PRDM5: variants seen among roughly 807,000 people sequenced by gnomAD.
The protein encoded by PRDM5 is PR/SET domain 5.
In PRDM5, 56 loss-of-function variants were observed where a neutral mutation model predicts 81.2. That is an observed-to-expected ratio of 0.69 (90% CI 0.56 to 0.86). The LOEUF (loss-of-function observed/expected upper bound fraction) is 0.86. Among genes scored for constraint, PRDM5 ranks in the 40% least tolerant of loss-of-function variants. The pLI is 0.00. For missense variants in PRDM5, 697 were observed against 770.1 expected (o/e 0.91, Z 1.12); for synonymous variants, 267 against 256.4 (o/e 1.04, Z -0.39).
At chr4:120,728,009 C>T (rs1739689954) in intron 14 of PRDM5, among the ~76,000 whole-genome samples, 1 of 151,864 alleles carries the variant, frequency 6.6e-6, no homozygotes, top group Admixed American at 6.6e-5. Context: ...AGTTTTCTGT[C>T]ATGATCACAG....
At chr4:120,774,291 T>A (rs925110925) in intron 13 of PRDM5, among the ~76,000 whole-genome samples, 2 of 152,218 alleles carry the variant, frequency 1.3e-5, no homozygotes, top group African/African-American at 4.8e-5. Flanking sequence ...AAATACTTCT[T>A]GACGAATAGG....
chr4:120,749,625 G>A (rs1037717499), intron 14 of PRDM5, among the ~76,000 whole-genome samples: 2 of 152,210 alleles, frequency 1.3e-5, no homozygotes, highest in South Asian at 2.1e-4. Flanking sequence ...GCCTCTGAGT[G>A]AGGAGGGAGA....
chr4:120,800,141 G>GTACA (rs1411352124), intron 8 of PRDM5, among the ~76,000 whole-genome samples: 1 of 152,124 alleles, frequency 6.6e-6, no homozygotes, highest in East Asian at 1.9e-4. Flanking sequence ...AAACTTAAAT[G>GTACA]TACATAGTAG....
intron 14 of PRDM5, among the ~76,000 whole-genome samples, chr4:120,724,401 T>C (rs1402329793): frequency 6.6e-6 from 1 of 152,146 alleles, no homozygotes; most frequent in Non-Finnish European, 1.5e-5. Context: ...ACTACACAAT[T>C]TGAAGTATGG....
At chr4:120,751,673 C>T (rs189261467) in intron 14 of PRDM5, among the ~76,000 whole-genome samples, 3 of 152,210 alleles carry the variant, frequency 2.0e-5, no homozygotes, top group Admixed American at 2.0e-4. Flanking sequence ...CACCTCAAAC[C>T]CTGGTCTCTC....
At chr4:120,797,248 T>G (rs1751464956) in intron 10 of PRDM5, among the ~76,000 whole-genome samples, 1 of 152,200 alleles carries the variant, frequency 6.6e-6, no homozygotes, top group African/African-American at 2.4e-5. Context: ...AGAAGTAGGC[T>G]GAGGTCATGA....
intron 15 of PRDM5, among the ~76,000 whole-genome samples, chr4:120,700,649 A>G (rs1220734771): frequency 6.6e-6 from 1 of 152,250 alleles, no homozygotes; most frequent in Non-Finnish European, 1.5e-5. Context: ...GTATTTTTAA[A>G]TAAAACATAT....
intron 15 of PRDM5, among the ~76,000 whole-genome samples, chr4:120,698,415 C>T (rs1734839845): frequency 6.6e-6 from 1 of 152,166 alleles, no homozygotes; most frequent in African/African-American, 2.4e-5. Flanking sequence ...CCGGAATAGG[C>T]CCTTCCTCCA....
At chr4:120,770,155 C>A (rs1413801380) in intron 13 of PRDM5, among the ~76,000 whole-genome samples, 1 of 152,096 alleles carries the variant, frequency 6.6e-6, no homozygotes, top group Non-Finnish European at 1.5e-5. Flanking sequence ...ACCTCAGCCT[C>A]CCAAGTAGCT....
At chr4:120,867,164 C>A (rs1194582391) in intron 2 of PRDM5, among the ~76,000 whole-genome samples, 28 of 152,046 alleles carry the variant, frequency 1.8e-4, no homozygotes, top group Admixed American at 1.8e-3. Context: ...TCAAAGCCTC[C>A]TAATAAGAAC....
chr4:120,744,135 A>G (rs1271548134), intron 14 of PRDM5, among the ~76,000 whole-genome samples: 2 of 152,100 alleles, frequency 1.3e-5, no homozygotes, highest in Admixed American at 6.5e-5. Context: ...CTCACTCAAA[A>G]CCGCTCAACT....
intron 3 of PRDM5, among the ~76,000 whole-genome samples, chr4:120,852,277 T>C (rs1002872447): frequency 6.6e-6 from 1 of 152,158 alleles, no homozygotes; most frequent in Non-Finnish European, 1.5e-5. Flanking sequence ...TTAACTTGAC[T>C]AGGCTACAGG....
intron 14 of PRDM5, among the ~76,000 whole-genome samples, chr4:120,726,511 T>C (rs1739432710): frequency 6.6e-6 from 1 of 152,234 alleles, no homozygotes; most frequent in Non-Finnish European, 1.5e-5. Context: ...TACTTTGTTC[T>C]CTCTCCTTTT....
rs1411719771 is a variant in PRDM5, at chr4:120,695,289, A to T, written c.1729-14T>A. On this transcript the variant is annotated splice_polypyrimidine_tract_variant and intron_variant, in intron 15 of 15. Transcript: ENST00000264808. ...CAAATCACAAACCTAGAAAAGACCC[A>T]AAGACCAACCATATTATACTGAAAT... 6.2e-7 allele frequency: 1 copy of T among 1,613,048 alleles called. No homozygotes were observed. Among genetic ancestry groups the T allele is most frequent in the African/African-American group, 1.3e-5 (1 of 75,006 alleles).
chr4:120,703,442 G>A lies in PRDM5; in HGVS notation c.1728+6867C>T, dbSNP rs377193347. Among the ~76,000 whole-genome samples the A allele has an allele frequency of 2.4e-4, 36 of 152,070 alleles. 1 individual carries two copies. Among genetic ancestry groups the A allele is most frequent in the Admixed American group, 1.6e-3 (24 of 15,268 alleles). ...TGGGCTTAAACGATCCTCCTGCCTC[G>A]GCCTCCCAAAGTGCTGGGATGATAG... is the stretch of plus-strand genomic sequence containing the variant. On this transcript the variant is annotated intron_variant, in intron 15 of 15. Coordinates refer to ENST00000264808, the MANE Select transcript of PRDM5 (RefSeq NM_018699.4).
chr4:120,831,128 A>T (rs1321007248), intron 3 of PRDM5, among the ~76,000 whole-genome samples: 1 of 152,092 alleles, frequency 6.6e-6, no homozygotes, highest in Non-Finnish European at 1.5e-5. Context: ...TTGACAAACC[A>T]TGAAAGTGTT....
At chr4:120,791,838 T>C (rs756642697) in intron 10 of PRDM5, among the ~76,000 whole-genome samples, 2 of 152,172 alleles carry the variant, frequency 1.3e-5, no homozygotes, top group African/African-American at 2.4e-5. Context: ...GTGAACTGGA[T>C]TAGTGCCGTT....
intron 2 of PRDM5, among the ~76,000 whole-genome samples, chr4:120,873,113 T>G (rs1221922269): frequency 6.6e-6 from 1 of 152,164 alleles, no homozygotes; most frequent in Non-Finnish European, 1.5e-5. Context: ...GCAATTCTCA[T>G]GACTTAGCCT....
rs989361627 is a variant in PRDM5 at position 120,711,320 on chromosome 4, A to G, written c.1624-907T>C. 5.3e-5 allele frequency among the ~76,000 whole-genome samples: 8 copies of G among 152,258 alleles called. No homozygotes were observed. In the East Asian group the frequency reaches 1.5e-3, roughly 29 times the overall value. ...TATGTATTTCCTTTTTGTTGTTGTG[A>G]TGGAGTCTCCCTCTGTCACCTAGGC... On this transcript the variant is annotated intron_variant, in intron 14 of 15. Transcript: ENST00000264808.
Sources: allele counts gnomAD v4.1 joint callset (sites outside exome capture counted in the v4.1 genomes callset), GRCh38; gene constraint gnomAD v4.1.1; transcripts MANE v1.5; gene names NCBI Gene and HGNC (gene_info 2026-07-23, HGNC 2026-07-21).